The following C5 variants were observed in gnomAD, a reference collection of about 807,000 sequenced individuals.
C5 encodes the protein C3 and PZP-like alpha-2-macroglobulin domain-containing protein 4.
A neutral mutation model predicts 218.8 loss-of-function variants in C5; 140 were observed. The observed-to-expected ratio is 0.64, with a 90% CI of 0.56 to 0.74. The LOEUF (loss-of-function observed/expected upper bound fraction) is 0.74. Ranked by LOEUF, C5 falls within the 30% of genes least tolerant of loss-of-function variation. The probability of loss-of-function intolerance (pLI) is 0.00; values close to 1 mark genes in which losing one functional copy is unlikely to be tolerated. For synonymous variants in C5, 614 were observed against 682.3 expected, an observed-to-expected ratio of 0.90 and a Z score of 1.56; for missense variants, 1,700 against 1,969.6, an observed-to-expected ratio of 0.86 and a Z score of 2.59.
intron 31 of C5, among the ~76,000 whole-genome samples, chr9:120,971,342 A>G (rs1446541936): frequency 6.6e-6 from 1 of 151,890 alleles, no homozygotes; most frequent in Non-Finnish European, 1.5e-5. Flanking sequence ...ATATACACAT[A>G]TGCCATATGC....
the C5 span, among the ~76,000 whole-genome samples, chr9:121,069,397 T>C: frequency 6.6e-5 from 10 of 152,098 alleles, no homozygotes; most frequent in Non-Finnish European, 1.2e-4. Context: ...ATGCTCACCA[T>C]CATCAATCAT....
intron 8 of C5, among the ~76,000 whole-genome samples, chr9:121,026,109 T>C (rs1040939521): frequency 3.3e-5 from 5 of 152,206 alleles, no homozygotes; most frequent in Middle Eastern, 3.2e-3. Context: ...TTTGTCTTAT[T>C]TAGCTTTACA....
intron 1 of C5, among the ~76,000 whole-genome samples, chr9:121,047,290 G>A (rs2047635975): frequency 6.6e-6 from 1 of 152,098 alleles, no homozygotes; most frequent in South Asian, 2.1e-4. Context: ...GTACAGTTGA[G>A]GTCAAGTTTA....
At chr9:120,979,291 A>G (rs1250997849) in intron 28 of C5, among the ~76,000 whole-genome samples, 9 of 152,166 alleles carry the variant, frequency 5.9e-5, no homozygotes. Flanking sequence ...CTCTTGACTC[A>G]AACACCATCC....
chr9:121,003,030 T>C (rs2047184718), intron 20 of C5, among the ~76,000 whole-genome samples: 1 of 152,158 alleles, frequency 6.6e-6, no homozygotes, highest in African/African-American at 2.4e-5. Flanking sequence ...CAGTGGCTCA[T>C]GCCTGTAATT....
At chr9:120,979,716 G>A (rs930868267) in intron 28 of C5, 1 of 279,134 alleles carries the variant, frequency 3.6e-6, no homozygotes, top group Non-Finnish European at 7.0e-6. Flanking sequence ...AGTGAGACTC[G>A]TATCTGCAAA....
intron 13 of C5, 50 bp from the exon 14 acceptor site, chr9:121,017,561 GACTTTTCAGAAGCAGCTAAA>G: frequency 3.7e-6 from 6 of 1,607,082 alleles, no homozygotes; most frequent in Non-Finnish European, 5.1e-6. Context: ...TATGAGACAA[GACTTTTCAGAAGCAGCTAAA>G]ACTTTGGCAG....
In C5 at chr9:121,005,935, C is replaced by G; in HGVS notation, c.2546G>C (p.Arg849Thr). 1 of 1,613,562 alleles carries G rather than the reference C, an allele frequency of 6.2e-7. No homozygotes were observed. Among genetic ancestry groups the G allele is most frequent in the South Asian group, 1.1e-5 (1 of 91,068 alleles). ...IQLKGTVYNY[R>T]TSGMQFCVKM... ...CCTACTTACCTGCATCCCAGAAGTC[C>G]TATAGTTGTAAACAGTTCCTTTCAA... Residue 849 changes from arginine (R) to threonine (T), a missense_variant, in exon 20 of 41, where the codon AGG (arginine) becomes ACG (threonine). Transcript: ENST00000223642.
At chr9:121,053,398 A>G (rs925886209), upstream of C5, among the ~76,000 whole-genome samples, 3 of 152,198 alleles carry the variant, frequency 2.0e-5, no homozygotes, top group Admixed American at 6.5e-5. Flanking sequence ...TGGGATATAG[A>G]GGAGAAAGGC....
intron 3 of C5, among the ~76,000 whole-genome samples, chr9:121,039,726 G>A (rs1279408447): frequency 6.6e-6 from 1 of 152,142 alleles, no homozygotes; most frequent in Non-Finnish European, 1.5e-5. Flanking sequence ...TCGGTTCACT[G>A]CAAACTCCAC....
intron 39 of C5, among the ~76,000 whole-genome samples, chr9:120,954,980 T>C (rs760616218): frequency 1.3e-5 from 2 of 152,172 alleles, no homozygotes; most frequent in Non-Finnish European, 2.9e-5. Flanking sequence ...CTTCTCATCA[T>C]GGAAAATTTA....
At chr9:120,996,933 T>C (rs1302718086) in intron 21 of C5, among the ~76,000 whole-genome samples, 1 of 151,662 alleles carries the variant, frequency 6.6e-6, no homozygotes, top group Non-Finnish European at 1.5e-5. Context: ...ATTAAAATTA[T>C]ATAAAAATAT....
intron 25 of C5, among the ~76,000 whole-genome samples, chr9:120,988,390 A>G (rs2047050294): frequency 6.6e-6 from 1 of 152,172 alleles, no homozygotes; most frequent in Non-Finnish European, 1.5e-5. Flanking sequence ...ACATTATGAT[A>G]TAGCAGAGGC....
At chr9:121,026,939 C>T (rs187424974) in intron 8 of C5, among the ~76,000 whole-genome samples, 131 of 152,000 alleles carry the variant, frequency 8.6e-4, no homozygotes, top group Admixed American at 1.7e-3. Context: ...GTGATTAATA[C>T]AAAGGGGAGG....
the C5 span, among the ~76,000 whole-genome samples, chr9:121,070,407 A>ATG: frequency 7.3e-6 from 1 of 136,898 alleles, no homozygotes; most frequent in African/African-American, 2.9e-5. Context: ...ATATATATAT[A>ATG]TATATATATA....
Position 121,025,441 on chromosome 9 carries a change from C to CACACACAT in C5, c.1000+12_1000+13insATGTGTGT, listed in dbSNP as rs1475749003. The stretch of plus-strand genomic sequence containing the variant: ...GTATACACACACACACACACACACA[C>CACACACAT]ACACACACTTACCTGTAGACTCTAT... On this transcript the variant is annotated intron_variant, in intron 9 of 40. Coordinates refer to ENST00000223642, the MANE Select transcript of C5 (RefSeq NM_001735.3). 6.2e-7 allele frequency: 1 copy of CACACACAT among 1,605,334 alleles called. No individual in the cohort carries two copies. Among genetic ancestry groups the CACACACAT allele is most frequent in the East Asian group, 2.2e-5 (1 of 44,716 alleles).
chr9:121,006,896 C>A lies in C5; in HGVS notation c.2422+8G>T. 6.3e-7 allele frequency: 1 copy of A among 1,580,260 alleles called. No homozygotes were observed. The highest frequency in any genetic ancestry group is 8.7e-7 in the Non-Finnish European group (1 of 1,149,250). ...ATTTAAATGCATATATCACTTAAAC[C>A]TGCTTACCAGTGTTTGAAATGCCAA... is the stretch of plus-strand genomic sequence containing the variant. On this transcript the variant is annotated splice_region_variant and intron_variant, in intron 19 of 40. Coordinates refer to ENST00000223642, the MANE Select transcript of C5 (RefSeq NM_001735.3).
chr9:120,989,680 G>T lies in C5; in HGVS notation c.3042C>A (p.Ser1014Arg), dbSNP rs1038198234. 1 of 1,613,308 alleles carries T rather than the reference G, an allele frequency of 6.2e-7. No individual in the cohort carries two copies. Among genetic ancestry groups the T allele is most frequent in the Non-Finnish European group, 8.5e-7 (1 of 1,179,494 alleles). ...GAAAAACATAGAATACTGGGACAAC[G>T]CTCATCAGCTCCGCCTCTGCACTCC... ...PKGSAEAELM[S>R]VVPVFYVFHY... The change falls in exon 24 of 41, where the codon AGC becomes AGA. Residue 1014 changes from serine (S) to arginine (R), a missense_variant. Transcript: ENST00000223642.
rs1435145383 is a variant in C5 at position 121,043,142 on chromosome 9, C to T, written c.283G>A (p.Gly95Arg). 1.9e-6 allele frequency: 3 copies of T among 1,613,132 alleles called. No individual in the cohort carries two copies. Among genetic ancestry groups the T allele is most frequent in the Non-Finnish European group, 2.5e-6 (3 of 1,179,518 alleles). The change falls in exon 3 of 41, where the codon GGA becomes AGA. Residue 95 changes from glycine to arginine, a missense_variant. Transcript: ENST00000223642. Reference protein sequence around the residue: ...LTIQPKQLPGGQNPVSYVYLE... With the variant: ...LTIQPKQLPGRQNPVSYVYLE... ...TACACATAAGAAACTGGGTTTTGTC[C>T]TCCAGGCAATTGTTTTGGTTGTATC...
Sources: allele counts gnomAD v4.1 joint callset (sites outside exome capture counted in the v4.1 genomes callset), GRCh38; gene constraint gnomAD v4.1.1; transcripts MANE v1.5; gene names NCBI Gene and HGNC (gene_info 2026-07-23, HGNC 2026-07-21).